NUBPL: variants seen among roughly 807,000 people sequenced by gnomAD.
The protein encoded by NUBPL is NUBP iron-sulfur cluster assembly factor, mitochondrial.
NUBPL carries 31 observed loss-of-function variants against 45.7 expected under a neutral mutation model. That is an observed-to-expected ratio of 0.68 (90% confidence interval 0.51 to 0.92). The LOEUF is 0.92. NUBPL is among the 40% of genes least tolerant of loss of function. The pLI is 0.00. For synonymous variants in NUBPL, 144 were observed against 140.9 expected (o/e 1.02, Z -0.15); for missense variants, 401 against 398.7 (o/e 1.01, Z -0.05).
At chr14:31,858,107 A>G (rs373584978) in intron 10 of NUBPL, among the ~76,000 whole-genome samples, 43 of 152,340 alleles carry the variant, frequency 2.8e-4, no homozygotes, top group African/African-American at 1.0e-3. Context: ...GTGAAAGGCA[A>G]GGAGGAACAA....
intron 6 of NUBPL, among the ~76,000 whole-genome samples, chr14:31,770,476 A>G: frequency 6.6e-6 from 1 of 152,184 alleles, no homozygotes. Flanking sequence ...GAAATGCCAA[A>G]GTCTGAAAAG....
intron 4 of NUBPL, among the ~76,000 whole-genome samples, chr14:31,652,534 G>A (rs1054057845): frequency 6.6e-6 from 1 of 152,050 alleles, no homozygotes; most frequent in African/African-American, 2.4e-5. Flanking sequence ...ACATTGCTTT[G>A]TATACCATAA....
At chr14:31,624,701 A>G (rs1595385714) in intron 4 of NUBPL, among the ~76,000 whole-genome samples, 1 of 152,198 alleles carries the variant, frequency 6.6e-6, no homozygotes, top group African/African-American at 2.4e-5. Flanking sequence ...AGTAGCTTGG[A>G]TTACAGGCGC....
At chr14:31,817,225 T>A (rs1189490617) in intron 7 of NUBPL, among the ~76,000 whole-genome samples, 1 of 152,098 alleles carries the variant, frequency 6.6e-6, no homozygotes, top group East Asian at 1.9e-4. Context: ...ACGGTGAGAA[T>A]GAAACCAAGT....
Position 31,695,594 on chromosome 14 carries a change from TA to T in NUBPL, c.513+22021del, listed in dbSNP as rs143382543. 8.0e-3 allele frequency among the ~76,000 whole-genome samples: 1,211 copies of T among 152,214 alleles called. 15 individuals carry two copies. The highest frequency in any genetic ancestry group is 0.027 in the African/African-American group (1,123 of 41,518). ...AATTAATGTTATCATGGGAATGGGT[TA>T]GTTATTACAAGAGTGTATTGTTGTA... On this transcript the variant is annotated intron_variant, in intron 6 of 10. Coordinates refer to ENST00000281081, the MANE Select transcript of NUBPL (RefSeq NM_025152.3).
chr14:31,601,362 T>C (rs940822367), intron 4 of NUBPL, among the ~76,000 whole-genome samples: 17 of 152,326 alleles, frequency 1.1e-4, no homozygotes, highest in East Asian at 1.9e-4. Context: ...GCCATTTTCA[T>C]GATATTGATT....
intron 3 of NUBPL, among the ~76,000 whole-genome samples, chr14:31,591,686 T>C (rs2034146675): frequency 1.3e-5 from 2 of 152,018 alleles, no homozygotes; most frequent in African/African-American, 4.8e-5. Flanking sequence ...TATTATATAG[T>C]AATATTACTT....
At chr14:31,728,910 A>G (rs2037984662) in intron 6 of NUBPL, among the ~76,000 whole-genome samples, 5 of 152,332 alleles carry the variant, frequency 3.3e-5, no homozygotes, top group Admixed American at 2.6e-4. Flanking sequence ...ATTAGTTACT[A>G]TAGAACTTCA....
intron 7 of NUBPL, among the ~76,000 whole-genome samples, chr14:31,808,402 C>T (rs2138891826): frequency 6.6e-6 from 1 of 152,306 alleles, no homozygotes; most frequent in Non-Finnish European, 1.5e-5. Flanking sequence ...ATGGGATTCA[C>T]TCACGATTTG....
At chr14:31,760,796 T>G (rs935532088) in intron 6 of NUBPL, among the ~76,000 whole-genome samples, 1 of 152,100 alleles carries the variant, frequency 6.6e-6, no homozygotes, top group Non-Finnish European at 1.5e-5. Context: ...TATTGCCTAT[T>G]TACCAGATCT....
intron 6 of NUBPL, chr14:31,686,696 A>G (rs2036960758): frequency 6.6e-6 from 1 of 152,244 alleles, no homozygotes; most frequent in Admixed American, 6.5e-5. Context: ...TTTCATAACA[A>G]CATGGAATGC....
At chr14:31,640,383 T>C (rs1200012279) in intron 4 of NUBPL, among the ~76,000 whole-genome samples, 1 of 152,264 alleles carries the variant, frequency 6.6e-6, no homozygotes, top group East Asian at 1.9e-4. Context: ...GTGGATCACT[T>C]GAGGGCAGGA....
rs754143300 is a variant in NUBPL at position 31,673,506 on chromosome 14, GAAGA to G, written c.449_452del (p.Glu150ValfsTer4). The stretch of plus-strand genomic sequence containing the variant: ...CAGTATGTCTATGGGCTTTCTGGTT[GAAGA>G]AAGTGAACCAGTAGTTTGGAGAGGC... On this transcript the variant is annotated frameshift_variant, in exon 6 of 11. Transcript: ENST00000281081. LOFTEE classifies it high-confidence loss of function. 6.2e-7 allele frequency: 1 copy of G among 1,613,788 alleles called. No homozygotes were observed.
intron 6 of NUBPL, among the ~76,000 whole-genome samples, chr14:31,694,621 T>G (rs750678403): frequency 3.3e-5 from 5 of 152,218 alleles, no homozygotes; most frequent in Non-Finnish European, 5.9e-5. Context: ...GTTCAAGCGA[T>G]TCTCCTGCCT....
At chr14:31,613,553 G>T (rs889466020) in intron 4 of NUBPL, among the ~76,000 whole-genome samples, 1 of 151,838 alleles carries the variant, frequency 6.6e-6, no homozygotes, top group Non-Finnish European at 1.5e-5. Flanking sequence ...CCAGGTTCCC[G>T]TTCAAGCAAT....
intron 3 of NUBPL, among the ~76,000 whole-genome samples, chr14:31,587,933 G>T (rs2034036464): frequency 6.6e-6 from 1 of 152,126 alleles, no homozygotes; most frequent in Non-Finnish European, 1.5e-5. Context: ...TTTGATGGTT[G>T]TTTTGTATGA....
At chr14:31,805,903 A>G (rs1250188789) in intron 7 of NUBPL, among the ~76,000 whole-genome samples, 1 of 149,120 alleles carries the variant, frequency 6.7e-6, no homozygotes, top group Non-Finnish European at 1.5e-5. Flanking sequence ...CCCCGAACCT[A>G]AAATAAAAAT....
intron 6 of NUBPL, among the ~76,000 whole-genome samples, chr14:31,741,688 C>G (rs1260502881): frequency 1.3e-5 from 2 of 152,114 alleles, no homozygotes; most frequent in Non-Finnish European, 2.9e-5. Flanking sequence ...CTTGTCAACA[C>G]TGAGCCTCCA....
chr14:31,641,273 G>C (rs993386148), intron 4 of NUBPL, among the ~76,000 whole-genome samples: 8 of 152,050 alleles, frequency 5.3e-5, no homozygotes, highest in Admixed American at 5.2e-4. Flanking sequence ...TTATATAACT[G>C]TGTATTTATT....
Sources: gnomAD v4.1 joint callset for allele counts (sites outside exome capture counted in the v4.1 genomes callset) on GRCh38, gnomAD v4.1.1 for gene constraint, MANE v1.5 for transcripts, NCBI Gene and HGNC (gene_info 2026-07-23, HGNC 2026-07-21) for gene names.